The following NVL variants were observed in gnomAD, a reference collection of about 807,000 sequenced individuals.
NVL encodes the protein nuclear valosin-containing protein-like.
In NVL, 84 loss-of-function variants were observed where a neutral mutation model predicts 110.2. The ratio of observed to expected loss-of-function variants is 0.76; its 90% CI spans 0.64 to 0.91. The LOEUF (loss-of-function observed/expected upper bound fraction) is 0.91, where lower values mean the gene tolerates loss of function less well. Ranked by LOEUF, NVL falls within the 40% of genes least tolerant of loss-of-function variation. The pLI is 0.00. For missense variants in NVL, 882 were observed against 1,035.9 expected, an observed-to-expected ratio of 0.85 and a Z score of 2.04; for synonymous variants, 354 against 361.1, an observed-to-expected ratio of 0.98 and a Z score of 0.22.
chr1:224,291,379 A>G (rs1023179770), intron 12 of NVL, among the ~76,000 whole-genome samples: 1 of 152,240 alleles, frequency 6.6e-6, no homozygotes, highest in African/African-American at 2.4e-5. Context: ...ATTCTTATTT[A>G]CATATTTTGA....
chr1:224,305,466 G>A, intron 6 of NVL: 1 of 236,882 alleles, frequency 4.2e-6, no homozygotes, highest in Non-Finnish European at 8.0e-6. Flanking sequence ...GGAAATTTGT[G>A]AAGCATCCCA....
intron 5 of NVL, 148 bp from the exon 6 acceptor site, chr1:224,308,411 C>T: frequency 1.4e-6 from 1 of 710,078 alleles, no homozygotes. Context: ...AGGTGTTAGG[C>T]TGGGCACAGT....
rs199577974 is a variant in NVL, at chr1:224,266,852, A to G, written c.2182+1182T>C. Among the ~76,000 whole-genome samples the G allele has an allele frequency of 3.3e-5, 5 of 152,348 alleles. No homozygotes were observed. In the East Asian group the frequency reaches 9.6e-4, roughly 29 times the overall value. On this transcript the variant is annotated intron_variant, in intron 18 of 22. Transcript: ENST00000281701. ...TGTTTAACACCACTGTGGCAGATAC[A>G]TTACCAACATCATTTAACTTTTGTG...
intron 16 of NVL, among the ~76,000 whole-genome samples, chr1:224,280,610 A>T (rs1386892125): frequency 6.6e-6 from 1 of 152,246 alleles, no homozygotes; most frequent in Non-Finnish European, 1.5e-5. Context: ...GATAAATTTT[A>T]AAAACCTTTT....
chr1:224,260,685 T>C (rs1663867267), intron 18 of NVL, among the ~76,000 whole-genome samples: 2 of 151,514 alleles, frequency 1.3e-5, no homozygotes, highest in South Asian at 4.2e-4. Flanking sequence ...TTTGCTTATT[T>C]ATTTCTTCTT....
At chr1:224,299,334 T>C (rs1294427717) in intron 10 of NVL, among the ~76,000 whole-genome samples, 1 of 152,156 alleles carries the variant, frequency 6.6e-6, no homozygotes, top group Non-Finnish European at 1.5e-5. Flanking sequence ...GAATAAATGA[T>C]GGTCATCAGA....
In NVL at chr1:224,289,629, A is replaced by C. The variant is rs1667187243; in HGVS notation, c.1430T>G (p.Leu477Arg). ...PGFVGADLMA[L>R]CREAAMCAVN... ...TGCACACATTGCTGCCTCTCGGCAC[A>C]GTGCCATGAGATCAGCACCAACAAA... The change falls in exon 13 of 23, where the codon CTG (leucine) becomes CGG (arginine). Residue 477 changes from leucine (L) to arginine (R), a missense_variant. Physicochemically the swap from Leu to Arg is moderately radical, Grantham distance 102. Transcript: ENST00000281701. 1 of 1,614,278 alleles carries C rather than the reference A, an allele frequency of 6.2e-7. No homozygotes were observed. The highest frequency in any genetic ancestry group is 8.5e-7 in the Non-Finnish European group (1 of 1,180,058).
At chr1:224,322,395 C>A (rs1386520003) in intron 2 of NVL, among the ~76,000 whole-genome samples, 1 of 151,904 alleles carries the variant, frequency 6.6e-6, no homozygotes, top group Non-Finnish European at 1.5e-5. Context: ...TTAGACCACT[C>A]ATTAAATAAA....
chr1:224,270,617 TAA>T (rs1664990564), intron 17 of NVL, among the ~76,000 whole-genome samples: 1 of 152,012 alleles, frequency 6.6e-6, no homozygotes, highest in Non-Finnish European at 1.5e-5. Flanking sequence ...AAATTAAATA[TAA>T]GTCATAAGAC....
intron 14 of NVL, among the ~76,000 whole-genome samples, chr1:224,286,988 G>A (rs926262009): frequency 2.6e-5 from 4 of 152,152 alleles, no homozygotes; most frequent in African/African-American, 4.8e-5. Flanking sequence ...GGTCTTAACT[G>A]AAACCTATAA....
Position 224,304,810 on chromosome 1 carries a change from T to C in NVL, c.751A>G (p.Lys251Glu). Residue 251 changes from lysine to glutamate, a missense_variant and splice_region_variant, in exon 8 of 23, where the codon AAA becomes GAA. Coordinates refer to ENST00000281701, the MANE Select transcript of NVL (RefSeq NM_002533.4). Reference protein sequence around the residue: ...EIEAVLQKKAKARGLEFQISN... With the variant: ...EIEAVLQKKAEARGLEFQISN... ...ATCTGGAATTCTAACCCCCTGGCTT[T>C]AGCTGGTAAACAAAAATGAGGAGAT... 1 of 1,613,860 alleles carries C rather than the reference T, an allele frequency of 6.2e-7. No homozygotes were observed. Among genetic ancestry groups the C allele is most frequent in the Non-Finnish European group, 8.5e-7 (1 of 1,179,756 alleles).
At chr1:224,248,676 A>G (rs1427851608) in intron 19 of NVL, among the ~76,000 whole-genome samples, 2 of 152,248 alleles carry the variant, frequency 1.3e-5, no homozygotes, top group African/African-American at 4.8e-5. Flanking sequence ...GCGAAGAGAA[A>G]ATTTGAAAGT....
At chr1:224,231,834 G>A (rs1467660396) in intron 21 of NVL, among the ~76,000 whole-genome samples, 1 of 151,572 alleles carries the variant, frequency 6.6e-6, no homozygotes. Flanking sequence ...AGACCAGCCT[G>A]ACCAATATGG....
chr1:224,307,022 C>T (rs1171929023), intron 6 of NVL, among the ~76,000 whole-genome samples: 2 of 152,110 alleles, frequency 1.3e-5, no homozygotes, highest in Non-Finnish European at 2.9e-5. Flanking sequence ...CATCATTGTC[C>T]ATGAGGAATA....
intron 21 of NVL, among the ~76,000 whole-genome samples, chr1:224,232,609 C>T (rs57822295): frequency 0.11 from 16,457 of 152,040 alleles, 1,128 homozygotes; most frequent in South Asian, 0.19. Context: ...ATCCTCCTGC[C>T]GCAGCTTCCC....
At chr1:224,313,158 C>CAA (rs760756328) in intron 4 of NVL, 16 of 79,142 alleles carry the variant, frequency 2.0e-4, no homozygotes, top group East Asian at 7.5e-4. Flanking sequence ...GACGCTGTCT[C>CAA]AAAAAAAAAA....
chr1:224,317,285 G>T (rs1670184992), intron 4 of NVL, among the ~76,000 whole-genome samples: 2 of 152,064 alleles, frequency 1.3e-5, no homozygotes, highest in African/African-American at 4.8e-5. Context: ...AGAAAAAGAA[G>T]GTAATGAGAC....
At chr1:224,300,414 A>C in intron 10 of NVL, 148 bp downstream of exon 10, 1 of 517,530 alleles carries the variant, frequency 1.9e-6, no homozygotes, top group Non-Finnish European at 3.5e-6. Flanking sequence ...TTAAATATTT[A>C]GCCATCATGC....
intron 1 of NVL, 50 bp downstream of exon 1, chr1:224,330,021 G>A (rs373084649): frequency 6.3e-7 from 1 of 1,584,418 alleles, no homozygotes; most frequent in South Asian, 1.1e-5. Context: ...GTGGCACCCT[G>A]GGGCAGCGAT....
Sources: allele counts gnomAD v4.1 joint callset (sites outside exome capture counted in the v4.1 genomes callset), GRCh38; gene constraint gnomAD v4.1.1; transcripts MANE v1.5; gene names NCBI Gene and HGNC (gene_info 2026-07-23, HGNC 2026-07-21).